Variants in ZNF385D observed in about 807,000 individuals in gnomAD.
ZNF385D encodes zinc finger protein 659.
ZNF385D carries 15 observed loss-of-function variants against 35.8 expected under a neutral mutation model. The ratio of observed to expected loss-of-function variants is 0.42; its 90% CI spans 0.28 to 0.64. The LOEUF (loss-of-function observed/expected upper bound fraction) is 0.64, where lower values mean the gene tolerates loss of function less well. Among genes scored for constraint, ZNF385D ranks in the 30% least tolerant of loss-of-function variants. The probability of loss-of-function intolerance (pLI) is 0.23; values close to 1 mark genes in which losing one functional copy is unlikely to be tolerated. For missense variants in ZNF385D, 474 were observed against 494.6 expected (o/e 0.96, Z 0.39); for synonymous variants, 212 against 186.8 (o/e 1.13, Z -1.10).
At chr3:22,247,765 C>G (rs754151249) in intron 2 of ZNF385D, among the ~76,000 whole-genome samples, 2 of 151,892 alleles carry the variant, frequency 1.3e-5, no homozygotes, top group Admixed American at 1.3e-4. Flanking sequence ...CCACCACACC[C>G]AGCTAATTTT....
intron 1 of ZNF385D, among the ~76,000 whole-genome samples, chr3:21,680,645 T>C (rs78968597): frequency 6.6e-6 from 1 of 152,196 alleles, no homozygotes; most frequent in South Asian, 2.1e-4. Context: ...ACTAGAATCA[T>C]GGCCATTCAA....
intron 1 of ZNF385D, among the ~76,000 whole-genome samples, chr3:21,733,946 T>C (rs1056748618): frequency 1.6e-4 from 25 of 152,332 alleles, no homozygotes; most frequent in African/African-American, 6.0e-4. Flanking sequence ...TTTTCATATT[T>C]GTCTATTATT....
At chr3:21,842,782 G>T (rs1304629823) in intron 3 of ZNF385D, among the ~76,000 whole-genome samples, 1 of 151,998 alleles carries the variant, frequency 6.6e-6, no homozygotes, top group Non-Finnish European at 1.5e-5. Context: ...CCTTTGATTT[G>T]CTATCAAACA....
intron 3 of ZNF385D, among the ~76,000 whole-genome samples, chr3:22,107,030 T>TC (rs1702256307): frequency 6.8e-6 from 1 of 146,878 alleles, no homozygotes; most frequent in Non-Finnish European, 1.5e-5. Context: ...ATGAGAGTTT[T>TC]TTTTTTTTTT....
At chr3:22,135,438 G>C (rs1704046752) in intron 3 of ZNF385D, among the ~76,000 whole-genome samples, 1 of 152,064 alleles carries the variant, frequency 6.6e-6, no homozygotes. Flanking sequence ...TAACACCTCA[G>C]TATAAATCTA....
Position 21,655,549 on chromosome 3 carries a change from T to A in ZNF385D, c.165+9337A>T, listed in dbSNP as rs1320942005. ...AGACAGCATCTTTACTGTCCACTGA[T>A]GTCCTAGACGCTCTTTTTTATAGTC... On this transcript the variant is annotated intron_variant, in intron 2 of 7. Transcript: ENST00000281523. Among the ~76,000 whole-genome samples, 3 of 152,142 alleles carry A rather than the reference T, an allele frequency of 2.0e-5. No individual in the cohort carries two copies. In the East Asian group the frequency reaches 5.8e-4, roughly 29 times the overall value.
At chr3:21,474,196 C>G (rs761664512) in intron 4 of ZNF385D, among the ~76,000 whole-genome samples, 6 of 151,836 alleles carry the variant, frequency 4.0e-5, no homozygotes, top group South Asian at 2.1e-4. Context: ...TTATTGCTTT[C>G]CATTGGCCAT....
chr3:22,192,133 C>T (rs1696090561), intron 2 of ZNF385D, among the ~76,000 whole-genome samples: 2 of 152,062 alleles, frequency 1.3e-5, no homozygotes, highest in South Asian at 2.1e-4. Flanking sequence ...AACATGGCCC[C>T]AAGACTAACA....
At chr3:21,989,898 A>G (rs963954743) in intron 3 of ZNF385D, among the ~76,000 whole-genome samples, 5 of 152,182 alleles carry the variant, frequency 3.3e-5, no homozygotes, top group African/African-American at 1.2e-4. Context: ...TTCTGTTTCT[A>G]ATCTCCCTGG....
intron 3 of ZNF385D, among the ~76,000 whole-genome samples, chr3:21,796,131 G>A (rs1414244673): frequency 1.3e-5 from 2 of 152,038 alleles, no homozygotes; most frequent in Non-Finnish European, 1.5e-5. Flanking sequence ...TCAAGTTCTG[G>A]TAGATTTTCC....
At chr3:21,823,349 C>A (rs1223350719) in intron 3 of ZNF385D, among the ~76,000 whole-genome samples, 2 of 152,042 alleles carry the variant, frequency 1.3e-5, no homozygotes, top group Non-Finnish European at 2.9e-5. Context: ...TGGGTTTTGG[C>A]AATTGTTATT....
rs951928286 is a variant in ZNF385D at position 21,904,122 on chromosome 3, G to T, written c.326-239094C>A. Among the ~76,000 whole-genome samples, 5 of 151,778 alleles carry T rather than the reference G, an allele frequency of 3.3e-5. No individual in the cohort carries two copies. In the East Asian group the frequency reaches 9.7e-4, roughly 29 times the overall value. On this transcript the variant is annotated intron_variant, in intron 3 of 5. Coordinates refer to the ZNF385D transcript ENST00000494108. ...GCTTGAGACCATCCTGGACAACATG[G>T]TTGAAATCCCATCTCTACTAAAAAC...
chr3:22,284,319 G>A (rs1016723625), intron 2 of ZNF385D, among the ~76,000 whole-genome samples: 3 of 151,966 alleles, frequency 2.0e-5, no homozygotes, highest in Admixed American at 6.6e-5. Flanking sequence ...CTCCCAAATA[G>A]CTGGGATTAC....
intron 2 of ZNF385D, among the ~76,000 whole-genome samples, chr3:22,296,760 T>C (rs989244984): frequency 2.0e-5 from 3 of 152,054 alleles, no homozygotes; most frequent in African/African-American, 7.2e-5. Flanking sequence ...TAAGGTTAGG[T>C]TGAGTTTCCC....
chr3:21,845,045 A>C (rs2125795144), intron 3 of ZNF385D, among the ~76,000 whole-genome samples: 1 of 152,086 alleles, frequency 6.6e-6, no homozygotes, highest in South Asian at 2.1e-4. Flanking sequence ...AAAAAGAGAA[A>C]AGAAATGTTA....
At chr3:21,735,724 C>G (rs1042087615) in intron 1 of ZNF385D, among the ~76,000 whole-genome samples, 1 of 152,208 alleles carries the variant, frequency 6.6e-6, no homozygotes, top group Non-Finnish European at 1.5e-5. Flanking sequence ...TCTCTGGGAA[C>G]TGCAAGGCAT....
At chr3:22,092,284 G>A (rs1031349009) in intron 3 of ZNF385D, among the ~76,000 whole-genome samples, 5 of 152,156 alleles carry the variant, frequency 3.3e-5, no homozygotes, top group African/African-American at 4.8e-5. Context: ...ATTGAAGGAT[G>A]AATGGGTTTC....
chr3:21,831,648 A>C (rs1021023031), intron 3 of ZNF385D, among the ~76,000 whole-genome samples: 4 of 152,212 alleles, frequency 2.6e-5, no homozygotes, highest in Non-Finnish European at 5.9e-5. Context: ...TTGTAGAAGC[A>C]TAGATAATTG....
chr3:21,435,099 A>C (rs548538997), intron 5 of ZNF385D, among the ~76,000 whole-genome samples: 1 of 152,208 alleles, frequency 6.6e-6, no homozygotes, highest in Non-Finnish European at 1.5e-5. Context: ...GCTTGGGTAC[A>C]TACATTTTTA....
Sources: allele counts gnomAD v4.1 joint callset (sites outside exome capture counted in the v4.1 genomes callset), GRCh38; gene constraint gnomAD v4.1.1; transcripts MANE v1.5; gene names NCBI Gene and HGNC (gene_info 2026-07-23, HGNC 2026-07-21).